Variants in MAST4 observed in about 807,000 individuals in gnomAD.
MAST4 encodes the protein microtubule-associated serine/threonine-protein kinase 4.
In MAST4, 89 loss-of-function variants were observed where a neutral mutation model predicts 162.7. The ratio of observed to expected loss-of-function variants is 0.55; its 90% CI spans 0.46 to 0.65. The LOEUF (loss-of-function observed/expected upper bound fraction) is 0.65, where lower values mean the gene tolerates loss of function less well. Ranked by LOEUF, MAST4 falls within the 30% of genes least tolerant of loss-of-function variation. The probability of loss-of-function intolerance (pLI) is 0.00; values close to 1 mark genes in which losing one functional copy is unlikely to be tolerated. For synonymous variants in MAST4, 1,479 were observed against 1,361.1 expected (o/e 1.09, Z -1.91); for missense variants, 3,153 against 3,374.0 (o/e 0.93, Z 1.62).
At chr5:67,091,958 A>G (rs957763291) in intron 6 of MAST4, among the ~76,000 whole-genome samples, 1 of 152,174 alleles carries the variant, frequency 6.6e-6, no homozygotes, top group African/African-American at 2.4e-5. Context: ...GACATGAGTG[A>G]TCATCATTTT....
chr5:66,601,874 G>T (rs565707961), intron 1 of MAST4, among the ~76,000 whole-genome samples: 3 of 152,264 alleles, frequency 2.0e-5, no homozygotes, highest in African/African-American at 7.2e-5. Flanking sequence ...GCTGGGAACT[G>T]TTGATATAGC....
At chr5:66,602,390 A>G (rs888413033) in intron 1 of MAST4, among the ~76,000 whole-genome samples, 2 of 152,104 alleles carry the variant, frequency 1.3e-5, no homozygotes, top group African/African-American at 4.8e-5. Context: ...TACCCTTTCC[A>G]CTCTGGTCTG....
intron 1 of MAST4, among the ~76,000 whole-genome samples, chr5:66,705,672 C>T (rs1750083158): frequency 6.6e-6 from 1 of 151,848 alleles, no homozygotes; most frequent in Non-Finnish European, 1.5e-5. Context: ...AAACTGAGCA[C>T]TCAAAGCTTC....
chr5:66,739,651 T>C (rs907055601), intron 1 of MAST4, among the ~76,000 whole-genome samples: 6 of 152,166 alleles, frequency 3.9e-5, no homozygotes, highest in Admixed American at 3.9e-4. Flanking sequence ...GTATACCGGA[T>C]GTTAAATATG....
In MAST4 at chr5:66,596,944, C is replaced by A; in HGVS notation, c.289C>A (p.Pro97Thr). 1 of 1,396,578 alleles carries A rather than the reference C, an allele frequency of 7.2e-7. No individual in the cohort carries two copies. The allele number at this position is 1,396,578 out of a possible 1,614,324, so 86.5% of individuals were successfully genotyped here. Residue 97 changes from proline (P) to threonine (T), a missense_variant, in exon 1 of 29, where the codon CCG becomes ACG. By Grantham distance (38) the Pro-to-Thr change is conservative. Coordinates refer to ENST00000403625, the MANE Select transcript of MAST4 (RefSeq NM_001164664.2). ...LLERGVLALP[P>T]PLPGGAVPPA... ...GGAGCGCGGAGTCCTTGCGCTGCCG[C>A]CGCCGCTTCCCGGAGGAGCTGTGCC...
intron 4 of MAST4, among the ~76,000 whole-genome samples, chr5:66,968,192 C>T (rs1429596571): frequency 6.6e-6 from 1 of 152,212 alleles, no homozygotes; most frequent in Non-Finnish European, 1.5e-5. Context: ...TTTTGTACTT[C>T]TGCTTCATCC....
At chr5:67,078,916 ATAT>A (rs1561622015) in intron 5 of MAST4, among the ~76,000 whole-genome samples, 752 of 65,662 alleles carry the variant, frequency 0.011, 71 homozygotes, top group East Asian at 0.11. Flanking sequence ...ATATAAATAT[ATAT>A]ATATATATAT....
intron 1 of MAST4, among the ~76,000 whole-genome samples, chr5:66,668,218 C>T (rs1383356972): frequency 6.6e-6 from 1 of 152,042 alleles, no homozygotes; most frequent in African/African-American, 2.4e-5. Flanking sequence ...CCTATGGTCA[C>T]GAGGCCTAAT....
chr5:67,073,103 T>G (rs745844672), intron 5 of MAST4, among the ~76,000 whole-genome samples: 1 of 152,160 alleles, frequency 6.6e-6, no homozygotes, highest in Non-Finnish European at 1.5e-5. Flanking sequence ...TTAAAGTATA[T>G]TAGGTAGCTC....
At chr5:66,986,290 C>T (rs1749484827) in intron 4 of MAST4, among the ~76,000 whole-genome samples, 1 of 152,076 alleles carries the variant, frequency 6.6e-6, no homozygotes, top group African/African-American at 2.4e-5. Context: ...AGTGCAGAGT[C>T]TGGAAAGGGA....
chr5:66,673,738 T>G (rs1451635213), intron 1 of MAST4, among the ~76,000 whole-genome samples: 1 of 152,160 alleles, frequency 6.6e-6, no homozygotes, highest in Non-Finnish European at 1.5e-5. Context: ...TCTGCCTGCC[T>G]CGGCCTCCCA....
At chr5:66,701,009 T>A (rs1003035439) in intron 1 of MAST4, among the ~76,000 whole-genome samples, 21 of 152,056 alleles carry the variant, frequency 1.4e-4, no homozygotes, top group Non-Finnish European at 1.3e-4. Flanking sequence ...TTATAAGTGC[T>A]ATTTACATTT....
At chr5:67,087,031 T>A (rs978215431) in intron 5 of MAST4, among the ~76,000 whole-genome samples, 1 of 152,208 alleles carries the variant, frequency 6.6e-6, no homozygotes, top group Non-Finnish European at 1.5e-5. Flanking sequence ...AGAGATTGAC[T>A]TCTACCTGCC....
intron 2 of MAST4, among the ~76,000 whole-genome samples, chr5:66,761,190 G>T (rs183187484): frequency 6.6e-6 from 1 of 152,210 alleles, no homozygotes; most frequent in African/African-American, 2.4e-5. Flanking sequence ...CTTTTCAAGT[G>T]CTTATTGGAC....
At chr5:66,943,027 T>G (rs1743546197) in intron 4 of MAST4, among the ~76,000 whole-genome samples, 1 of 152,038 alleles carries the variant, frequency 6.6e-6, no homozygotes. Flanking sequence ...GGGCCTCTTT[T>G]ATAAGGTACT....
chr5:66,697,116 G>A lies in MAST4; in HGVS notation c.364-62593G>A, dbSNP rs543794366. Among the ~76,000 whole-genome samples, 7 of 152,300 alleles carry A rather than the reference G, an allele frequency of 4.6e-5. 1 individual carries two copies. In the South Asian group the frequency reaches 1.2e-3, roughly 27 times the overall value. ...CAGACACTTTCTTGAATGGAAAGAA[G>A]TCAACTTCTCACTTCAAGGAAAACA... On this transcript the variant is annotated intron_variant, in intron 1 of 28. Transcript: ENST00000403625.
At chr5:66,673,653 C>A (rs555058037) in intron 1 of MAST4, among the ~76,000 whole-genome samples, 1 of 151,576 alleles carries the variant, frequency 6.6e-6, no homozygotes, top group Non-Finnish European at 1.5e-5. Flanking sequence ...TGCTGCCACA[C>A]CCTGCTAATT....
intron 4 of MAST4, among the ~76,000 whole-genome samples, chr5:66,947,620 T>C (rs1192075340): frequency 6.6e-6 from 1 of 152,160 alleles, no homozygotes; most frequent in Non-Finnish European, 1.5e-5. Context: ...TAGTGAAATA[T>C]CCATAGGAGT....
intron 4 of MAST4, among the ~76,000 whole-genome samples, chr5:67,013,249 C>T (rs1026892682): frequency 7.9e-5 from 12 of 152,152 alleles, no homozygotes; most frequent in African/African-American, 2.9e-4. Flanking sequence ...AAAGTAAGTA[C>T]CAGCACCTTG....
Sources: gnomAD v4.1 joint callset for allele counts (sites outside exome capture counted in the v4.1 genomes callset) on GRCh38, gnomAD v4.1.1 for gene constraint, MANE v1.5 for transcripts, NCBI Gene and HGNC (gene_info 2026-07-23, HGNC 2026-07-21) for gene names.